The following SHISAL2A variants were observed in gnomAD, a reference collection of about 807,000 sequenced individuals.
The protein encoded by SHISAL2A is protein shisa-like-2A.
In SHISAL2A, 18 loss-of-function variants were observed where a neutral mutation model predicts 11.5. The observed-to-expected ratio is 1.57, with a 90% CI of 1.08 to 2.33. SHISAL2A has a LOEUF of 2.33. SHISAL2A is among the 30% of genes most tolerant of loss of function. The pLI is 0.00. For synonymous variants in SHISAL2A, 94 were observed against 99.6 expected, an observed-to-expected ratio of 0.94 and a Z score of 0.34; for missense variants, 261 against 250.9, an observed-to-expected ratio of 1.04 and a Z score of -0.27.
intron 2 of SHISAL2A, among the ~76,000 whole-genome samples, chr1:52,653,388 A>G (rs1035836671): frequency 1.3e-5 from 2 of 150,494 alleles, no homozygotes; most frequent in African/African-American, 2.4e-5. Flanking sequence ...TTAGCCCAGG[A>G]GGCGGAGGCT....
intron 2 of SHISAL2A, among the ~76,000 whole-genome samples, chr1:52,644,825 G>C (rs1691458850): frequency 6.6e-6 from 1 of 151,928 alleles, no homozygotes; most frequent in Non-Finnish European, 1.5e-5. Context: ...AGACCATCCT[G>C]GCTAATGCGG....
At chr1:52,648,149 A>G (rs1440623722) in intron 2 of SHISAL2A, among the ~76,000 whole-genome samples, 1 of 148,876 alleles carries the variant, frequency 6.7e-6, no homozygotes, top group Non-Finnish European at 1.5e-5. Flanking sequence ...TTAATTATCA[A>G]TATTATATAA....
At chr1:52,660,527 A>G (rs185577324), downstream of SHISAL2A, among the ~76,000 whole-genome samples, 6 of 152,318 alleles carry the variant, frequency 3.9e-5, no homozygotes, top group Non-Finnish European at 7.4e-5. Context: ...CCAAGCACAC[A>G]TCGACCGGCA....
intron 2 of SHISAL2A, among the ~76,000 whole-genome samples, chr1:52,643,673 T>C (rs968606373): frequency 3.3e-5 from 5 of 152,032 alleles, no homozygotes; most frequent in Non-Finnish European, 4.4e-5. Flanking sequence ...ACCAACATGG[T>C]GAAACCCTGT....
Position 52,642,791 on chromosome 1 carries a change from C to T in SHISAL2A, c.183-72C>T. On this transcript the variant is annotated intron_variant, in intron 1 of 2. Transcript: ENST00000517870. Reference sequence around the variant, plus strand: ...CAGCAGGCTCATTCTAGCCTAGCTACAACACTTTTATAACATCTGTCTCCC... The same window carrying T: ...CAGCAGGCTCATTCTAGCCTAGCTATAACACTTTTATAACATCTGTCTCCC... 3 of 1,480,662 alleles carry T rather than the reference C, an allele frequency of 2.0e-6. No homozygotes were observed. In the East Asian group the frequency reaches 6.8e-5, roughly 34 times the overall value. 91.7% of individuals were successfully genotyped at this position (1,480,662 alleles called of 1,614,324 possible). A position where few individuals can be genotyped will look rare whatever the true frequency, so the allele number is the denominator to read the frequency against.
intron 2 of SHISAL2A, among the ~76,000 whole-genome samples, chr1:52,647,966 G>A (rs2149882700): frequency 6.6e-6 from 1 of 150,600 alleles, no homozygotes; most frequent in Non-Finnish European, 1.5e-5. Flanking sequence ...GATGGGGGAA[G>A]CAGGTACTCT....
chr1:52,646,547 C>A (rs954670630), intron 2 of SHISAL2A, among the ~76,000 whole-genome samples: 74 of 150,166 alleles, frequency 4.9e-4, no homozygotes, highest in African/African-American at 1.8e-3. Context: ...CTCATATTCT[C>A]CAATTCTGTA....
intron 1 of SHISAL2A, among the ~76,000 whole-genome samples, chr1:52,640,928 G>A (rs1691350763): frequency 6.6e-6 from 1 of 152,142 alleles, no homozygotes; most frequent in Non-Finnish European, 1.5e-5. Flanking sequence ...CCTCCAGGGA[G>A]GGGAGAGGGC....
intron 2 of SHISAL2A, among the ~76,000 whole-genome samples, chr1:52,646,026 G>A (rs1386222177): frequency 6.6e-6 from 1 of 152,176 alleles, no homozygotes; most frequent in African/African-American, 2.4e-5. Flanking sequence ...TGTGATATTG[G>A]CACAGAAATT....
At chr1:52,663,548 G>C (rs1005185952) in intron 4 of SHISAL2A, among the ~76,000 whole-genome samples, 1 of 152,024 alleles carries the variant, frequency 6.6e-6, no homozygotes, top group Non-Finnish European at 1.5e-5. Context: ...ATCACCTAAG[G>C]TCATGAGGTC....
Position 52,656,797 on chromosome 1 carries a change from G to A in SHISAL2A, c.330G>A (p.Glu110=). ...LGLSLQTAGP[E]EVSPDCQGVN... is the part of the protein sequence containing the mutation. ...CAGTTTGCTGTTTTCCAGGCCCTGA[G>A]GAGGTTTCTCCTGACTGCCAAGGTG... The change falls in exon 3 of 3, where the codon GAG becomes GAA. Residue 110 remains glutamate (E), a synonymous_variant. Coordinates refer to ENST00000517870, the MANE Select transcript of SHISAL2A (RefSeq NM_001042693.3). 1.2e-6 allele frequency: 2 copies of A among 1,608,136 alleles called. No individual in the cohort carries two copies. The highest frequency in any genetic ancestry group is 1.7e-6 in the Non-Finnish European group (2 of 1,176,136).
At chr1:52,655,132 G>A (rs1691761746) in intron 2 of SHISAL2A, among the ~76,000 whole-genome samples, 1 of 152,104 alleles carries the variant, frequency 6.6e-6, no homozygotes, top group South Asian at 2.1e-4. Flanking sequence ...GTTGTGGTGA[G>A]CTGAGATCAC....
intron 1 of SHISAL2A, chr1:52,640,111 T>C (rs1265227328): frequency 1.3e-5 from 2 of 152,196 alleles, no homozygotes; most frequent in African/African-American, 2.4e-5. Context: ...ATATCATTAA[T>C]AAGGTCTCTA....
downstream of SHISAL2A, among the ~76,000 whole-genome samples, chr1:52,661,918 A>C (rs1691913567): frequency 6.6e-6 from 1 of 152,076 alleles, no homozygotes; most frequent in African/African-American, 2.4e-5. Context: ...CTGTAATCCC[A>C]GCTACTCGGG....
At chr1:52,654,398 G>A (rs1167023672) in intron 2 of SHISAL2A, among the ~76,000 whole-genome samples, 1 of 152,182 alleles carries the variant, frequency 6.6e-6, no homozygotes, top group East Asian at 1.9e-4. Flanking sequence ...AAGACTTATT[G>A]TATAGCAACA....
At chr1:52,657,568 A>C (rs754681824), downstream of SHISAL2A, among the ~76,000 whole-genome samples, 2 of 152,148 alleles carry the variant, frequency 1.3e-5, no homozygotes, top group African/African-American at 4.8e-5. Context: ...GAGAGAATGA[A>C]TAGGGGCAGG....
Position 52,633,775 on chromosome 1 carries a change from A to C in SHISAL2A, c.182+100A>C. 1 of 951,966 alleles carries C rather than the reference A, an allele frequency of 1.1e-6. No homozygotes were observed. Among genetic ancestry groups the C allele is most frequent in the Non-Finnish European group, 1.6e-6 (1 of 617,448 alleles). The allele number at this position is 951,966 out of a possible 1,614,324, so 59.0% of individuals were successfully genotyped here. ...CCCGAGTGTCCACCTGAACATCAGC[A>C]GCAAGCTCTAGTCCTTACCGTCCTC... On this transcript the variant is annotated intron_variant, in intron 1 of 2. Coordinates refer to ENST00000517870, the MANE Select transcript of SHISAL2A (RefSeq NM_001042693.3). The surrounding 1 kb of genome is among the most constrained non-coding windows in gnomAD (Gnocchi z 6.4).
At chr1:52,667,426 A>G (rs562670695) in exon 5 of SHISAL2A, 1 of 983,468 alleles carries the variant, frequency 1.0e-6, no homozygotes, top group South Asian at 4.7e-5. Flanking sequence ...GGCAACAACC[A>G]CAATTGTAAT....
intron 2 of SHISAL2A, among the ~76,000 whole-genome samples, chr1:52,647,196 G>A (rs750346570): frequency 3.9e-5 from 6 of 152,090 alleles, no homozygotes; most frequent in Non-Finnish European, 7.4e-5. Flanking sequence ...TGAGTTCAAT[G>A]TTAATGAATC....
Sources: gnomAD v4.1 joint callset for allele counts (sites outside exome capture counted in the v4.1 genomes callset) on GRCh38, gnomAD v4.1.1 for gene constraint, Gnocchi (gnomAD v3.1) non-coding constraint, MANE v1.5 for transcripts, NCBI Gene and HGNC (gene_info 2026-07-23, HGNC 2026-07-21) for gene names.